Variants in AGPS observed in about 807,000 individuals in gnomAD.
AGPS encodes the protein alkylglycerone phosphate synthase, also known as alkyldihydroxyacetonephosphate synthase, peroxisomal.
AGPS carries 26 observed loss-of-function variants against 90.7 expected under a neutral mutation model. The observed-to-expected ratio is 0.29, with a 90% confidence interval of 0.21 to 0.40. The LOEUF (loss-of-function observed/expected upper bound fraction) is 0.40, where lower values mean the gene tolerates loss of function less well. Ranked by LOEUF, AGPS falls within the 10% of genes least tolerant of loss-of-function variation. AGPS has a pLI of 1.00. For missense variants in AGPS, 540 were observed against 816.1 expected (o/e 0.66, Z 4.12); for synonymous variants, 294 against 285.3 (o/e 1.03, Z -0.31).
chr2:177,405,719 TGCTGACTTCCTTCTCTTCCTAA>T (rs979587139), intron 1 of AGPS, among the ~76,000 whole-genome samples: 2 of 151,890 alleles, frequency 1.3e-5, no homozygotes, highest in African/African-American at 2.4e-5. Flanking sequence ...ACCATGGTTT[TGCTGACTTCCTTCTCTTCCTAA>T]GCTTAAAAAT....
intron 10 of AGPS, among the ~76,000 whole-genome samples, chr2:177,473,463 CTA>C (rs543958377): frequency 9.0e-4 from 137 of 152,068 alleles, no homozygotes; most frequent in African/African-American, 3.1e-3. Context: ...TTTATTGACA[CTA>C]TTTTTTTTTA....
In AGPS at chr2:177,411,753, G is replaced by C. The variant is rs115009175; in HGVS notation, c.261-8516G>C. 3.1e-3 allele frequency among the ~76,000 whole-genome samples: 470 copies of C among 152,178 alleles called. 2 individuals carry two copies. Among genetic ancestry groups the C allele is most frequent in the African/African-American group, 0.011 (441 of 41,516 alleles). On this transcript the variant is annotated intron_variant, in intron 1 of 19. Transcript: ENST00000264167. ...TATTTTAATTTGTCTCTCTCTCTCT[G>C]TCTGTCTTTCCTCTCCTTGACTTAC...
intron 10 of AGPS, among the ~76,000 whole-genome samples, chr2:177,474,007 C>T (rs1260105114): frequency 6.6e-6 from 1 of 152,114 alleles, no homozygotes; most frequent in Non-Finnish European, 1.5e-5. Flanking sequence ...GTCATGATGC[C>T]TTCTTACTAG....
chr2:177,528,221 A>G (rs1466334843), intron 19 of AGPS, among the ~76,000 whole-genome samples: 3 of 152,068 alleles, frequency 2.0e-5, no homozygotes, highest in South Asian at 4.1e-4. Context: ...TGCAATCACT[A>G]TTTTCTGCAG....
chr2:177,509,665 C>CA (rs59032397), intron 16 of AGPS, among the ~76,000 whole-genome samples: 60 of 120,464 alleles, frequency 5.0e-4, no homozygotes, highest in African/African-American at 1.5e-3. Context: ...GACTCCATCT[C>CA]AAAAAAAAAA....
intron 10 of AGPS, among the ~76,000 whole-genome samples, chr2:177,474,583 A>C (rs1288033313): frequency 6.6e-6 from 1 of 152,202 alleles, no homozygotes; most frequent in African/African-American, 2.4e-5. Context: ...CCTCATCTGC[A>C]CAAAAGCATC....
intron 15 of AGPS, 126 bp downstream of exon 15, chr2:177,505,701 A>G: frequency 2.5e-6 from 2 of 812,394 alleles, no homozygotes; most frequent in Non-Finnish European, 4.1e-6. Context: ...TTAGCATATC[A>G]TTTTACATGA....
chr2:177,529,531 G>A (rs2079118858), intron 19 of AGPS, among the ~76,000 whole-genome samples: 1 of 152,110 alleles, frequency 6.6e-6, no homozygotes, highest in African/African-American at 2.4e-5. Flanking sequence ...TTAACATTTG[G>A]TAACTAGGCC....
chr2:177,481,991 A>G (rs375765379), intron 10 of AGPS, 68 bp from the exon 11 acceptor site: 6 of 1,410,170 alleles, frequency 4.3e-6, no homozygotes, highest in East Asian at 5.6e-5. Context: ...AATAGATTAA[A>G]TAGATTTAAA....
intron 3 of AGPS, 151 bp from the exon 4 acceptor site, chr2:177,436,613 T>G: frequency 1.5e-6 from 1 of 689,316 alleles, no homozygotes; most frequent in Non-Finnish European, 2.4e-6. Context: ...ATAAAGCTGA[T>G]TTCTATATAT....
At chr2:177,479,539 G>A (rs773221816) in intron 10 of AGPS, among the ~76,000 whole-genome samples, 22 of 152,148 alleles carry the variant, frequency 1.4e-4, no homozygotes, top group Non-Finnish European at 5.9e-5. Context: ...CAACTGATGA[G>A]CAGATAAACG....
intron 9 of AGPS, among the ~76,000 whole-genome samples, chr2:177,466,058 G>A (rs567994591): frequency 3.3e-5 from 5 of 152,286 alleles, no homozygotes; most frequent in East Asian, 1.9e-4. Context: ...GCTCCTTTCC[G>A]CAGGTAGGCC....
At chr2:177,521,554 A>C (rs1267397447) in intron 18 of AGPS, among the ~76,000 whole-genome samples, 186 bp downstream of exon 18, 8 of 152,246 alleles carry the variant, frequency 5.3e-5, no homozygotes, top group Non-Finnish European at 8.8e-5. Flanking sequence ...TCTAAAATTA[A>C]GGTACTGTAC....
intron 1 of AGPS, among the ~76,000 whole-genome samples, chr2:177,404,273 T>C (rs1053861651): frequency 2.0e-5 from 3 of 152,122 alleles, no homozygotes; most frequent in East Asian, 1.9e-4. Context: ...TGCCTGGGTC[T>C]ATGGGGGTAA....
intron 5 of AGPS, among the ~76,000 whole-genome samples, chr2:177,440,449 T>C (rs545409380): frequency 1.3e-5 from 2 of 152,158 alleles, no homozygotes; most frequent in East Asian, 1.9e-4. Context: ...CAAACCCAAA[T>C]TGAGGGGCAT....
intron 2 of AGPS, among the ~76,000 whole-genome samples, chr2:177,428,646 C>T (rs746273433): frequency 1.1e-4 from 17 of 152,042 alleles, no homozygotes; most frequent in Non-Finnish European, 2.5e-4. Context: ...ATATTGGCCC[C>T]CAATCTCTTC....
chr2:177,431,212 A>G (rs1472212278), intron 2 of AGPS, among the ~76,000 whole-genome samples: 1 of 152,180 alleles, frequency 6.6e-6, no homozygotes, highest in Non-Finnish European at 1.5e-5. Context: ...CTGAGCTACA[A>G]AACCAGCAAG....
At chr2:177,522,438 C>T (rs539301710) in intron 18 of AGPS, among the ~76,000 whole-genome samples, 4 of 152,160 alleles carry the variant, frequency 2.6e-5, no homozygotes, top group South Asian at 2.1e-4. Flanking sequence ...ATGATTCATT[C>T]GGAAAACCCT....
intron 1 of AGPS, among the ~76,000 whole-genome samples, chr2:177,414,893 G>A (rs1225349194): frequency 2.9e-5 from 1 of 35,002 alleles, no homozygotes; most frequent in African/African-American, 7.0e-5. Context: ...TGCCTATGAA[G>A]GTTCGTGTGT....
Sources: allele counts gnomAD v4.1 joint callset (sites outside exome capture counted in the v4.1 genomes callset), GRCh38; gene constraint gnomAD v4.1.1; transcripts MANE v1.5; gene names NCBI Gene and HGNC (gene_info 2026-07-23, HGNC 2026-07-21).